The following CPNE5 variants were observed in gnomAD, a reference collection of about 807,000 sequenced individuals.
CPNE5 encodes the protein copine 5, also known as copine-5.
CPNE5 carries 42 observed loss-of-function variants against 81.1 expected under a neutral mutation model. The observed-to-expected ratio is 0.52, with a 90% CI of 0.40 to 0.67. CPNE5 has a LOEUF of 0.67. Among genes scored for constraint, CPNE5 ranks in the 30% least tolerant of loss-of-function variants. The probability of loss-of-function intolerance (pLI) is 0.00; values close to 1 mark genes in which losing one functional copy is unlikely to be tolerated. For missense variants in CPNE5, 612 were observed against 815.5 expected, an observed-to-expected ratio of 0.75 and a Z score of 3.04; for synonymous variants, 313 against 321.5, an observed-to-expected ratio of 0.97 and a Z score of 0.28.
intron 3 of CPNE5, among the ~76,000 whole-genome samples, chr6:36,805,936 G>T (rs1231185945): frequency 2.0e-5 from 3 of 152,204 alleles, no homozygotes; most frequent in Non-Finnish European, 4.4e-5. Flanking sequence ...TAAATTAGGC[G>T]ACTCTCTGGG....
At chr6:36,784,223 T>G (rs1768313400) in intron 8 of CPNE5, among the ~76,000 whole-genome samples, 1 of 152,144 alleles carries the variant, frequency 6.6e-6, no homozygotes, top group Admixed American at 6.5e-5. Context: ...CCTAATACAA[T>G]CTAGACCCAG....
At chr6:36,774,163 T>G (rs1490482083) in intron 10 of CPNE5, among the ~76,000 whole-genome samples, 1 of 150,952 alleles carries the variant, frequency 6.6e-6, no homozygotes. Flanking sequence ...ATGGGTGCAT[T>G]GCTTGAGCCC....
At chr6:36,792,815 C>A (rs1418943652) in intron 7 of CPNE5, among the ~76,000 whole-genome samples, 1 of 152,168 alleles carries the variant, frequency 6.6e-6, no homozygotes, top group Non-Finnish European at 1.5e-5. Flanking sequence ...TTAGATAGGA[C>A]CCCCTCCTTC....
intron 20 of CPNE5, 114 bp from the exon 21 acceptor site, chr6:36,742,600 C>G (rs1582664496): frequency 1.5e-6 from 2 of 1,306,210 alleles, no homozygotes; most frequent in Non-Finnish European, 2.1e-6. Flanking sequence ...TCACTTGACT[C>G]AATCCCCCCA....
chr6:36,825,195 C>T (rs1772397122), intron 1 of CPNE5, among the ~76,000 whole-genome samples: 1 of 152,124 alleles, frequency 6.6e-6, no homozygotes, highest in Non-Finnish European at 1.5e-5. Flanking sequence ...CCACTCATGC[C>T]CCACGCCCTA....
Position 36,822,163 on chromosome 6 carries a change from G to GC in CPNE5, c.137-4dup, listed in dbSNP as rs761096176. The GC allele has an allele frequency of 8.7e-6, 13 of 1,502,736 alleles. No homozygotes were observed. Among genetic ancestry groups the GC allele is most frequent in the East Asian group, 2.5e-5 (1 of 39,788 alleles). The allele number at this position is 1,502,736 out of a possible 1,614,324, so 93.1% of individuals were successfully genotyped here. A position where few individuals can be genotyped will look rare whatever the true frequency, so the allele number is the denominator to read the frequency against. On this transcript the variant is annotated splice_region_variant and splice_polypyrimidine_tract_variant and intron_variant, in intron 2 of 20. Coordinates refer to ENST00000244751, the MANE Select transcript of CPNE5 (RefSeq NM_020939.2). ...CCCTTGGGTATACATGACGCACACT[G>GC]CGGGGGGAGGAGAAACAGTGGATTA... is the stretch of plus-strand genomic sequence containing the variant.
At position 36,800,049 on chromosome 6, in the gene CPNE5, C is replaced by T. The variant is rs148202375; in HGVS notation, c.205G>A (p.Asp69Asn). ...WREFGRTEVI[D>N]NTLNPDFVRK... ...ACGAAGTCAGGATTGAGCGTGTTGTCGATGACTTCGGTGCGCCCAAACTGC... is the reference window on the plus strand; with the variant it reads ...ACGAAGTCAGGATTGAGCGTGTTGTTGATGACTTCGGTGCGCCCAAACTGC... The change falls in exon 4 of 21, where the codon GAC becomes AAC. Residue 69 changes from aspartate to asparagine, a missense_variant. Asp to Asn is a conservative substitution (Grantham distance 23). Coordinates refer to ENST00000244751, the MANE Select transcript of CPNE5 (RefSeq NM_020939.2). 8.1e-5 allele frequency: 130 copies of T among 1,613,396 alleles called. No homozygotes were observed. Among genetic ancestry groups the T allele is most frequent in the Admixed American group, 1.3e-4 (8 of 59,974 alleles).
At chr6:36,763,050 C>T in intron 11 of CPNE5, 58 bp from the exon 12 acceptor site, 2 of 1,476,300 alleles carry the variant, frequency 1.4e-6, no homozygotes, top group Non-Finnish European at 1.9e-6. Flanking sequence ...CTCTGCCCAG[C>T]CCCAGCCTTG....
chr6:36,768,334 A>C (rs947410473), intron 10 of CPNE5, among the ~76,000 whole-genome samples: 8 of 144,722 alleles, frequency 5.5e-5, no homozygotes, highest in African/African-American at 2.1e-4. Flanking sequence ...TCCTGGGTTC[A>C]AGCAATTCTG....
Position 36,834,298 on chromosome 6 carries a change from AG to A in CPNE5, c.95+4984del, listed in dbSNP as rs1561833495. Among the ~76,000 whole-genome samples, 262 of 52,922 alleles carry A rather than the reference AG, an allele frequency of 5.0e-3. 4 individuals carry two copies. Among genetic ancestry groups the A allele is most frequent in the African/African-American group, 0.021 (251 of 12,186 alleles). The allele number at this position is 52,922 out of a possible 152,430, so 34.7% of individuals were successfully genotyped here. On this transcript the variant is annotated intron_variant, in intron 1 of 20. Coordinates refer to ENST00000244751, the MANE Select transcript of CPNE5 (RefSeq NM_020939.2). Reference sequence around the variant, plus strand: ...AAAAAAGGAAGGAAGGGAGGGAGGGAGGGAGGGAGGGAGGAAGGAAGGAAAG... The same window carrying A: ...AAAAAAGGAAGGAAGGGAGGGAGGGAGGAGGGAGGGAGGAAGGAAGGAAAG...
At position 36,769,748 on chromosome 6, in the gene CPNE5, T is replaced by C. The variant is rs541189950; in HGVS notation, c.738-4372A>G. ...TGCCTCCCGTCTGAGCCTCAGCTTC[T>C]GCATGTGAATACCGAGAACGGTACG... On this transcript the variant is annotated intron_variant, in intron 10 of 20. Coordinates refer to ENST00000244751, the MANE Select transcript of CPNE5 (RefSeq NM_020939.2). 1.5e-3 allele frequency among the ~76,000 whole-genome samples: 233 copies of C among 152,314 alleles called. 1 individual carries two copies. The highest frequency in any genetic ancestry group is 5.5e-3 in the African/African-American group (229 of 41,556).
Position 36,775,053 on chromosome 6 carries a change from G to A in CPNE5, c.645C>T (p.Cys215=). 6.2e-7 allele frequency: 1 copy of A among 1,614,082 alleles called. No homozygotes were observed. The highest frequency in any genetic ancestry group is 1.1e-5 in the South Asian group (1 of 91,074). The part of the protein sequence containing the change: ...RSNEDGTFTI[C]HKTEVMKNTL... ...TGTTCTTCATGACCTCGGTCTTGTG[G>A]CAAATGGTGAACCTGGTGAAGAAGA... Residue 215 remains cysteine, a synonymous_variant, in exon 10 of 21, where the codon TGC becomes TGT. Coordinates refer to ENST00000244751, the MANE Select transcript of CPNE5 (RefSeq NM_020939.2).
At chr6:36,765,455 C>T (rs376611807) in intron 10 of CPNE5, 79 bp from the exon 11 acceptor site, 14 of 1,563,292 alleles carry the variant, frequency 9.0e-6, no homozygotes, top group East Asian at 4.5e-5. Flanking sequence ...TTCATGTTCC[C>T]GGACCAGATA....
In CPNE5 at chr6:36,783,174, C is replaced by G. The variant is rs74883227; in HGVS notation, c.529-4217G>C. Among the ~76,000 whole-genome samples, 975 of 152,008 alleles carry G rather than the reference C, an allele frequency of 6.4e-3. 12 individuals carry two copies. Among genetic ancestry groups the G allele is most frequent in the African/African-American group, 0.021 (881 of 41,450 alleles). ...AAAATGGCAATATAATATGGTTCTA[C>G]CCACACAGGCACACAGAGGGGAACA... On this transcript the variant is annotated intron_variant, in intron 8 of 20. Transcript: ENST00000244751.
chr6:36,796,612 G>A (rs189347746), intron 6 of CPNE5, among the ~76,000 whole-genome samples: 3 of 152,322 alleles, frequency 2.0e-5, no homozygotes, highest in East Asian at 1.9e-4. Context: ...ATAAAATTAC[G>A]AATGAAAACT....
intron 12 of CPNE5, among the ~76,000 whole-genome samples, chr6:36,761,371 T>C (rs1766012618): frequency 6.6e-6 from 1 of 152,228 alleles, no homozygotes; most frequent in Non-Finnish European, 1.5e-5. Flanking sequence ...ATAACACACC[T>C]ACTGTGTGCC....
At chr6:36,748,507 T>C (rs1348459104) in intron 14 of CPNE5, among the ~76,000 whole-genome samples, 5 of 152,168 alleles carry the variant, frequency 3.3e-5, no homozygotes, top group African/African-American at 9.7e-5. Flanking sequence ...TGAAGATGAT[T>C]GTGTTCTGTG....
intron 3 of CPNE5, among the ~76,000 whole-genome samples, chr6:36,821,562 G>A (rs1174549979): frequency 1.3e-5 from 2 of 151,594 alleles, no homozygotes; most frequent in East Asian, 1.9e-4. Flanking sequence ...GGCACATGGA[G>A]TGGGGGTGGG....
intron 10 of CPNE5, among the ~76,000 whole-genome samples, chr6:36,767,230 G>C (rs1766640104): frequency 6.6e-6 from 1 of 152,170 alleles, no homozygotes; most frequent in African/African-American, 2.4e-5. Context: ...TGCAACTTCT[G>C]ATTCAAGCCT....
Sources: gnomAD v4.1 joint callset for allele counts (sites outside exome capture counted in the v4.1 genomes callset) on GRCh38, gnomAD v4.1.1 for gene constraint, MANE v1.5 for transcripts, NCBI Gene and HGNC (gene_info 2026-07-23, HGNC 2026-07-21) for gene names.